The following TACR1 variants were observed in gnomAD, a reference collection of about 807,000 sequenced individuals.
TACR1 encodes tachykinin receptor 1.
TACR1 carries 25 observed loss-of-function variants against 35.8 expected under a neutral mutation model. The ratio of observed to expected loss-of-function variants is 0.70; its 90% CI spans 0.51 to 0.98. The LOEUF (loss-of-function observed/expected upper bound fraction) is 0.98. Among genes scored for constraint, TACR1 ranks in the 50% least tolerant of loss-of-function variants. The pLI is 0.00. For missense variants in TACR1, 478 were observed against 522.9 expected (o/e 0.91, Z 0.84); for synonymous variants, 195 against 206.7 (o/e 0.94, Z 0.48).
intron 1 of TACR1, among the ~76,000 whole-genome samples, chr2:75,124,470 C>G (rs1674035384): frequency 6.6e-6 from 1 of 152,192 alleles, no homozygotes; most frequent in Admixed American, 6.5e-5. Context: ...CCCACTCACT[C>G]CTGGGGTGTT....
intron 2 of TACR1, among the ~76,000 whole-genome samples, chr2:75,093,308 A>G (rs2103857243): frequency 6.6e-6 from 1 of 152,300 alleles, no homozygotes. Context: ...ATGCAGCAAA[A>G]GTTTCACAGA....
chr2:75,145,648 C>T (rs753349441), intron 1 of TACR1, among the ~76,000 whole-genome samples: 7 of 152,098 alleles, frequency 4.6e-5, no homozygotes, highest in South Asian at 2.1e-4. Context: ...GACATAAACA[C>T]GTACTGAAAT....
chr2:75,182,966 T>C lies in TACR1; in HGVS notation c.389+15580A>G, dbSNP rs986392188. ...GAATAATCATTGGATTAATGTCTTA[T>C]TAATACTTATTTCTCCCAATTGACT... On this transcript the variant is annotated intron_variant, in intron 1 of 4. Coordinates refer to ENST00000305249, the MANE Select transcript of TACR1 (RefSeq NM_001058.4). 2.0e-5 allele frequency among the ~76,000 whole-genome samples: 3 copies of C among 152,348 alleles called. No individual in the cohort carries two copies. In the South Asian group the frequency reaches 6.2e-4, roughly 32 times the overall value.
chr2:75,052,512 T>C (rs2103781532), intron 3 of TACR1, among the ~76,000 whole-genome samples: 1 of 151,788 alleles, frequency 6.6e-6, no homozygotes, highest in African/African-American at 2.4e-5. Flanking sequence ...TACAATGCTA[T>C]GCAGAGAAGT....
intron 1 of TACR1, among the ~76,000 whole-genome samples, chr2:75,163,303 CT>C (rs1252824371): frequency 2.6e-5 from 4 of 152,180 alleles, no homozygotes. Flanking sequence ...CTTACATAAG[CT>C]TTTTTGTGCT....
chr2:75,122,369 G>A (rs1673986787), intron 1 of TACR1, among the ~76,000 whole-genome samples: 1 of 152,180 alleles, frequency 6.6e-6, no homozygotes, highest in African/African-American at 2.4e-5. Flanking sequence ...GCTTCCTTGA[G>A]CATCCTCTTA....
At chr2:75,083,003 G>T (rs955959308) in intron 2 of TACR1, among the ~76,000 whole-genome samples, 3 of 152,122 alleles carry the variant, frequency 2.0e-5, no homozygotes, top group East Asian at 3.8e-4. Context: ...CCTTGCCCAT[G>T]CCTATGTCCT....
chr2:75,079,653 G>A (rs922316145), intron 2 of TACR1, among the ~76,000 whole-genome samples: 10 of 151,540 alleles, frequency 6.6e-5, no homozygotes, highest in African/African-American at 2.4e-4. Context: ...TCTCTTGAAG[G>A]TTCCCCCACT....
At chr2:75,171,966 G>A (rs1297247257) in intron 1 of TACR1, among the ~76,000 whole-genome samples, 2 of 152,144 alleles carry the variant, frequency 1.3e-5, no homozygotes, top group African/African-American at 4.8e-5. Flanking sequence ...TATTGGGAAG[G>A]CATGATTGGT....
intron 3 of TACR1, 51 bp from the exon 4 acceptor site, chr2:75,051,498 C>G (rs763896727): frequency 6.2e-7 from 1 of 1,603,024 alleles, no homozygotes. Context: ...CCCTCTCTCA[C>G]GGCTGCTTCC....
chr2:75,077,432 A>G (rs776635856), intron 2 of TACR1, among the ~76,000 whole-genome samples: 1 of 152,204 alleles, frequency 6.6e-6, no homozygotes, highest in Non-Finnish European at 1.5e-5. Flanking sequence ...AGATGGACCT[A>G]CTGTGAATTT....
chr2:75,186,944 A>G (rs747446089), intron 1 of TACR1: 2 of 152,248 alleles, frequency 1.3e-5, no homozygotes, highest in South Asian at 2.1e-4. Context: ...GGAAAGATGC[A>G]GACAAAGAAA....
intron 1 of TACR1, among the ~76,000 whole-genome samples, chr2:75,177,369 TGTC>T (rs1675449739): frequency 6.6e-6 from 1 of 152,226 alleles, no homozygotes; most frequent in Admixed American, 6.5e-5. Flanking sequence ...CTCAGTTTCT[TGTC>T]GTCCTCACTT....
chr2:75,175,512 C>G (rs895208098), intron 1 of TACR1, among the ~76,000 whole-genome samples: 2 of 152,146 alleles, frequency 1.3e-5, no homozygotes, highest in Non-Finnish European at 2.9e-5. Flanking sequence ...AGGAGAATAA[C>G]TTTGACCCTT....
intron 2 of TACR1, among the ~76,000 whole-genome samples, chr2:75,105,485 C>T (rs1420609122): frequency 6.6e-6 from 1 of 151,956 alleles, no homozygotes; most frequent in Non-Finnish European, 1.5e-5. Context: ...AATAATAATG[C>T]ATCGTACACT....
chr2:75,149,202 C>A (rs1674612016), intron 1 of TACR1, among the ~76,000 whole-genome samples: 2 of 151,870 alleles, frequency 1.3e-5, no homozygotes, highest in Non-Finnish European at 2.9e-5. Flanking sequence ...TAGCATGATG[C>A]CTCCAGCCCT....
intron 2 of TACR1, among the ~76,000 whole-genome samples, chr2:75,114,301 A>T (rs766947191): frequency 2.6e-4 from 39 of 152,352 alleles, no homozygotes; most frequent in Middle Eastern, 3.4e-3. Context: ...TCAGAAAATG[A>T]CATATGACCA....
chr2:75,171,044 A>C lies in TACR1; in HGVS notation c.389+27502T>G, dbSNP rs567002588. Among the ~76,000 whole-genome samples, 142 of 152,324 alleles carry C rather than the reference A, an allele frequency of 9.3e-4. 3 individuals are homozygous for C. The highest frequency in any genetic ancestry group is 3.2e-3 in the African/African-American group (133 of 41,558). On this transcript the variant is annotated intron_variant, in intron 1 of 4. Transcript: ENST00000305249. Reference sequence around the variant, plus strand: ...CATAAGTAATGAGGAGCCAAATGTTAATCTCCAGGACAATGGGGAAAATGT... The same window carrying C: ...CATAAGTAATGAGGAGCCAAATGTTCATCTCCAGGACAATGGGGAAAATGT...
At chr2:75,148,192 A>G (rs1447636201) in intron 1 of TACR1, among the ~76,000 whole-genome samples, 9 of 152,150 alleles carry the variant, frequency 5.9e-5, no homozygotes, top group Non-Finnish European at 1.2e-4. Flanking sequence ...GTATGCATGT[A>G]TCTTTATAGT....
Sources: allele counts gnomAD v4.1 joint callset (sites outside exome capture counted in the v4.1 genomes callset), GRCh38; gene constraint gnomAD v4.1.1; transcripts MANE v1.5; gene names NCBI Gene and HGNC (gene_info 2026-07-23, HGNC 2026-07-21).